Variants in MAST4 observed in about 807,000 individuals in gnomAD.
MAST4 encodes the protein microtubule associated serine/threonine kinase family member 4, also known as microtubule-associated serine/threonine-protein kinase 4.
MAST4 carries 89 observed loss-of-function variants against 162.7 expected under a neutral mutation model. That is an observed-to-expected ratio of 0.55 (90% CI 0.46 to 0.65). The LOEUF (loss-of-function observed/expected upper bound fraction) is 0.65, where lower values mean the gene tolerates loss of function less well. MAST4 is among the 30% of genes least tolerant of loss of function. MAST4 has a pLI of 0.00. For missense variants in MAST4, 3,153 were observed against 3,374.0 expected, an observed-to-expected ratio of 0.93 and a Z score of 1.62; for synonymous variants, 1,479 against 1,361.1, an observed-to-expected ratio of 1.09 and a Z score of -1.91.
At chr5:66,727,819 C>T (rs2149549497) in intron 1 of MAST4, among the ~76,000 whole-genome samples, 1 of 152,092 alleles carries the variant, frequency 6.6e-6, no homozygotes, top group African/African-American at 2.4e-5. Flanking sequence ...GTCCACAGGT[C>T]CCTGGTCCAA....
At chr5:66,748,381 CTTCCTTCCTTCTTTCCTTCCTTCT>C (rs1181526892) in intron 1 of MAST4, among the ~76,000 whole-genome samples, 15 of 150,658 alleles carry the variant, frequency 1.0e-4, no homozygotes, top group African/African-American at 3.2e-4. Context: ...TATAGGACCC[CTTCCTTCCTTCTTTCCTTCCTTCT>C]TTCCTTCCTC....
intron 4 of MAST4, among the ~76,000 whole-genome samples, chr5:67,030,927 G>A (rs916109906): frequency 1.3e-5 from 2 of 152,092 alleles, no homozygotes; most frequent in Non-Finnish European, 1.5e-5. Context: ...TTTTTTTCCT[G>A]TAGCTTTGGC....
chr5:66,965,899 A>G (rs1320715401), intron 4 of MAST4, among the ~76,000 whole-genome samples: 2 of 152,248 alleles, frequency 1.3e-5, no homozygotes, highest in Non-Finnish European at 2.9e-5. Flanking sequence ...CCTTATCAAT[A>G]TTAAGAATAG....
chr5:66,978,017 T>TAC lies in MAST4; in HGVS notation c.675-76387_675-76386insAC, dbSNP rs200660322. On this transcript the variant is annotated intron_variant, in intron 4 of 28. Transcript: ENST00000403625. The stretch of plus-strand genomic sequence containing the variant: ...GTGTAAAATCAGCTGCCTAAGGTAC[T>TAC]GTTGCTGTAAAATCACACACATAAA... 4.6e-5 allele frequency among the ~76,000 whole-genome samples: 7 copies of TAC among 152,260 alleles called. No homozygotes were observed. In the East Asian group the frequency reaches 1.3e-3, roughly 29 times the overall value.
chr5:66,801,713 TTG>T (rs1388566375), intron 3 of MAST4, among the ~76,000 whole-genome samples: 1 of 152,226 alleles, frequency 6.6e-6, no homozygotes, highest in African/African-American at 2.4e-5. Context: ...TAGCAGATCT[TTG>T]TTACACATGT....
At chr5:66,911,542 C>G (rs1258534801) in intron 4 of MAST4, among the ~76,000 whole-genome samples, 1 of 101,346 alleles carries the variant, frequency 9.9e-6, no homozygotes, top group African/African-American at 3.7e-5. Flanking sequence ...TCTCTACAAA[C>G]AAACAAACAA....
intron 23 of MAST4, among the ~76,000 whole-genome samples, chr5:67,148,928 T>A (rs1274247732): frequency 6.6e-6 from 1 of 152,126 alleles, no homozygotes; most frequent in African/African-American, 2.4e-5. Flanking sequence ...AAAATTATAA[T>A]TAACAGCATT....
At chr5:66,766,224 C>A (rs150211893) in intron 2 of MAST4, among the ~76,000 whole-genome samples, 1 of 152,034 alleles carries the variant, frequency 6.6e-6, no homozygotes, top group Non-Finnish European at 1.5e-5. Flanking sequence ...ATGTTACAGC[C>A]GTAACAGCCA....
At chr5:66,975,325 G>T (rs1040867753) in intron 4 of MAST4, among the ~76,000 whole-genome samples, 2 of 152,218 alleles carry the variant, frequency 1.3e-5, no homozygotes, top group African/African-American at 4.8e-5. Context: ...AAATGCAGTG[G>T]TAAACTGCAT....
intron 1 of MAST4, among the ~76,000 whole-genome samples, chr5:66,645,125 C>T (rs1340583018): frequency 6.6e-6 from 1 of 152,046 alleles, no homozygotes; most frequent in African/African-American, 2.4e-5. Context: ...GGTCTTTAAT[C>T]CACATGATGT....
chr5:66,779,196 C>A (rs554472159), intron 2 of MAST4, among the ~76,000 whole-genome samples: 2 of 152,202 alleles, frequency 1.3e-5, no homozygotes, highest in Non-Finnish European at 2.9e-5. Context: ...TTCAGTCTTA[C>A]AGTCTTAAGA....
At chr5:66,988,026 G>C (rs1749704097) in intron 4 of MAST4, among the ~76,000 whole-genome samples, 1 of 152,030 alleles carries the variant, frequency 6.6e-6, no homozygotes, top group Non-Finnish European at 1.5e-5. Flanking sequence ...TTGTTGTTTT[G>C]TGCCTAGCTC....
chr5:67,104,615 C>A, intron 10 of MAST4, 40 bp downstream of exon 10: 1 of 1,547,194 alleles, frequency 6.5e-7, no homozygotes, highest in Non-Finnish European at 8.8e-7. Context: ...ATTTATTTTG[C>A]TTTTCCCTGA....
intron 26 of MAST4, among the ~76,000 whole-genome samples, chr5:67,159,360 A>G (rs1240964278): frequency 2.0e-5 from 3 of 151,938 alleles, no homozygotes; most frequent in South Asian, 2.1e-4. Flanking sequence ...ATACTTTCCT[A>G]TTATCTTCTT....
chr5:67,165,072 A>G lies in MAST4; in HGVS notation c.5893A>G (p.Arg1965Gly), dbSNP rs201330848. 2.8e-4 allele frequency: 443 copies of G among 1,600,396 alleles called. No individual in the cohort carries two copies. The highest frequency in any genetic ancestry group is 3.4e-4 in the Non-Finnish European group (399 of 1,173,550). ...CPLPPEASPS[R>G]EKPGLRESSE... Reference sequence around the variant, plus strand: ...GCTCCCACCTGAAGCTTCCCCCTCAAGGGAGAAGCCAGGCCTGAGGGAATC... The same window carrying G: ...GCTCCCACCTGAAGCTTCCCCCTCAGGGGAGAAGCCAGGCCTGAGGGAATC... Residue 1965 changes from arginine (R) to glycine (G), a missense_variant, in exon 29 of 29, where the codon AGG (arginine) becomes GGG (glycine). By Grantham distance (125) the Arg-to-Gly change is moderately radical. Around this residue, in one of 7 missense-constraint regions of MAST4, gnomAD observed 1,644 missense variants for 1,495.0 expected, o/e 1.10. Coordinates refer to ENST00000403625, the MANE Select transcript of MAST4 (RefSeq NM_001164664.2).
intron 5 of MAST4, among the ~76,000 whole-genome samples, chr5:67,067,926 TAC>T (rs1223063605): frequency 2.0e-5 from 3 of 152,106 alleles, no homozygotes; most frequent in East Asian, 3.9e-4. Flanking sequence ...AGAATCGGTG[TAC>T]ACACACATAC....
At chr5:66,700,265 T>C (rs1749679691) in intron 1 of MAST4, among the ~76,000 whole-genome samples, 1 of 152,208 alleles carries the variant, frequency 6.6e-6, no homozygotes, top group African/African-American at 2.4e-5. Flanking sequence ...ATAGAAATGA[T>C]TCTATTATTT....
At chr5:66,930,618 T>C in intron 4 of MAST4, 1 of 425,236 alleles carries the variant, frequency 2.4e-6, no homozygotes, top group East Asian at 7.1e-5. Context: ...TAAAATTTTT[T>C]ATGTCTCAAG....
intron 5 of MAST4, among the ~76,000 whole-genome samples, chr5:67,087,935 GA>G (rs1763430002): frequency 6.6e-6 from 1 of 152,190 alleles, no homozygotes; most frequent in African/African-American, 2.4e-5. Flanking sequence ...AATGGACCTA[GA>G]AAGGCAGCCT....
Sources: allele counts gnomAD v4.1 joint callset (sites outside exome capture counted in the v4.1 genomes callset), GRCh38; gene constraint gnomAD v4.1.1; regional missense constraint gnomAD v4.1.1; transcripts MANE v1.5; gene names NCBI Gene and HGNC (gene_info 2026-07-23, HGNC 2026-07-21).